The following CDK19 variants were observed in gnomAD, a reference collection of about 807,000 sequenced individuals.
CDK19 encodes the protein cyclin-dependent kinase 19.
In CDK19, 20 loss-of-function variants were observed where a neutral mutation model predicts 68.3. The ratio of observed to expected loss-of-function variants is 0.29; its 90% CI spans 0.21 to 0.43. CDK19 has a LOEUF of 0.43. Among genes scored for constraint, CDK19 ranks in the 20% least tolerant of loss-of-function variants. The pLI is 1.00. For synonymous variants in CDK19, 221 were observed against 222.8 expected (o/e 0.99, Z 0.07); for missense variants, 339 against 623.5 (o/e 0.54, Z 4.86).
At chr6:110,761,817 C>T (rs570115478) in intron 1 of CDK19, among the ~76,000 whole-genome samples, 2 of 152,206 alleles carry the variant, frequency 1.3e-5, no homozygotes, top group South Asian at 4.1e-4. Context: ...GCAATGATGC[C>T]TCCTACAAGC....
intron 2 of CDK19, among the ~76,000 whole-genome samples, chr6:110,743,438 T>C (rs1777830222): frequency 6.6e-6 from 1 of 152,016 alleles, no homozygotes; most frequent in Admixed American, 6.6e-5. Flanking sequence ...GGTCAGGTGT[T>C]CAAGACCAGC....
At chr6:110,745,485 T>C (rs944156816) in intron 2 of CDK19, among the ~76,000 whole-genome samples, 4 of 152,168 alleles carry the variant, frequency 2.6e-5, no homozygotes, top group African/African-American at 4.8e-5. Flanking sequence ...GATTTAATAG[T>C]ATGACCCCTT....
chr6:110,617,660 TATAC>T (rs1292981914), intron 12 of CDK19, among the ~76,000 whole-genome samples: 18 of 66,828 alleles, frequency 2.7e-4, no homozygotes, highest in South Asian at 1.5e-3. Context: ...TTTATATATA[TATAC>T]ACACACACAC....
intron 4 of CDK19, among the ~76,000 whole-genome samples, chr6:110,657,092 T>C (rs1781351672): frequency 6.6e-6 from 1 of 152,214 alleles, no homozygotes; most frequent in Admixed American, 6.5e-5. Flanking sequence ...GACTGAGCTC[T>C]CTTGTTTTAC....
intron 12 of CDK19, among the ~76,000 whole-genome samples, chr6:110,617,470 T>G (rs1049191603): frequency 1.3e-5 from 2 of 151,862 alleles, no homozygotes; most frequent in African/African-American, 4.8e-5. Context: ...CTACACTTTG[T>G]TGACCCTAAA....
chr6:110,649,190 A>G (rs1273991433), intron 4 of CDK19, among the ~76,000 whole-genome samples: 1 of 152,066 alleles, frequency 6.6e-6, no homozygotes, highest in Non-Finnish European at 1.5e-5. Flanking sequence ...GAACAAATTG[A>G]TCAGTGGGAT....
At chr6:110,796,983 C>T (rs1017426713) in intron 1 of CDK19, among the ~76,000 whole-genome samples, 6 of 146,190 alleles carry the variant, frequency 4.1e-5, no homozygotes, top group Admixed American at 1.4e-4. Flanking sequence ...GCACTCCAGC[C>T]GAGGCAACAG....
intron 2 of CDK19, among the ~76,000 whole-genome samples, chr6:110,692,287 C>T (rs1457626544): frequency 6.9e-6 from 1 of 144,940 alleles, no homozygotes. Context: ...AGTGAGACTC[C>T]GTCTCAAAAA....
chr6:110,628,684 G>A (rs1416464973), intron 6 of CDK19, among the ~76,000 whole-genome samples: 2 of 152,230 alleles, frequency 1.3e-5, no homozygotes, highest in East Asian at 1.9e-4. Context: ...GGGGACTACT[G>A]TATATCCATT....
chr6:110,750,324 AG>A (rs1778389540), intron 1 of CDK19, among the ~76,000 whole-genome samples: 12 of 149,034 alleles, frequency 8.1e-5, no homozygotes, highest in Non-Finnish European at 1.3e-4. Context: ...TGTTCACTTC[AG>A]TGATGAAGAA....
intron 4 of CDK19, chr6:110,643,129 A>G: frequency 1.7e-6 from 2 of 1,203,900 alleles, no homozygotes; most frequent in South Asian, 1.4e-5. Flanking sequence ...CAAGGGCACT[A>G]AAGGAAACCT....
At chr6:110,729,577 T>C (rs1288228943) in intron 2 of CDK19, among the ~76,000 whole-genome samples, 2 of 149,376 alleles carry the variant, frequency 1.3e-5, no homozygotes, top group African/African-American at 2.5e-5. Flanking sequence ...TACAGGCACA[T>C]GCCACCAGGC....
chr6:110,645,868 C>A, intron 4 of CDK19: 1 of 688,750 alleles, frequency 1.5e-6, no homozygotes. Flanking sequence ...TTCGAAGAGA[C>A]TATCGTAGAC....
intron 1 of CDK19, among the ~76,000 whole-genome samples, chr6:110,770,253 T>C (rs1779914311): frequency 6.6e-6 from 1 of 152,040 alleles, no homozygotes; most frequent in African/African-American, 2.4e-5. Flanking sequence ...TATTAGTCCG[T>C]TTTCATGCTG....
rs1355285778 is a variant in CDK19 at position 110,643,150 on chromosome 6, A to C, written c.457-4444T>G. ...CACTAAAGGAAACCTAGATGCTACC[A>C]GTAGAAGCCAAAGCAAACCCCTTCT... On this transcript the variant is annotated intron_variant, in intron 4 of 12. Transcript: ENST00000368911. 3.2e-6 allele frequency: 4 copies of C among 1,266,238 alleles called. No individual in the cohort carries two copies. In the African/African-American group the frequency reaches 6.2e-5, roughly 20 times the overall value. 78.4% of individuals were successfully genotyped at this position (1,266,238 alleles called of 1,614,324 possible). A position where few individuals can be genotyped will look rare whatever the true frequency, so the allele number is the denominator to read the frequency against.
At chr6:110,679,464 T>A (rs1307616894) in intron 2 of CDK19, among the ~76,000 whole-genome samples, 1 of 151,946 alleles carries the variant, frequency 6.6e-6, no homozygotes, top group East Asian at 1.9e-4. Flanking sequence ...ATACAAAAAT[T>A]AGCCAGGCGT....
At chr6:110,685,007 T>C (rs1772339357) in intron 2 of CDK19, among the ~76,000 whole-genome samples, 1 of 152,118 alleles carries the variant, frequency 6.6e-6, no homozygotes, top group East Asian at 1.9e-4. Context: ...GCATGGTGGC[T>C]TGTGCCTGTA....
chr6:110,809,785 T>C (rs537482849), intron 1 of CDK19, among the ~76,000 whole-genome samples: 4 of 152,354 alleles, frequency 2.6e-5, no homozygotes, highest in African/African-American at 7.2e-5. Flanking sequence ...TTGTGTATTA[T>C]GTGACCAACT....
chr6:110,704,412 T>C (rs941613250), intron 2 of CDK19, among the ~76,000 whole-genome samples: 3 of 152,038 alleles, frequency 2.0e-5, no homozygotes, highest in African/African-American at 7.2e-5. Flanking sequence ...TTTATCCAAC[T>C]CTCCACCCCT....
Sources: allele counts gnomAD v4.1 joint callset (sites outside exome capture counted in the v4.1 genomes callset), GRCh38; gene constraint gnomAD v4.1.1; transcripts MANE v1.5; gene names NCBI Gene and HGNC (gene_info 2026-07-23, HGNC 2026-07-21).